Variants in PLD6 observed in about 807,000 individuals in gnomAD.
PLD6 encodes the protein phospholipase D family member 6, also known as mitochondrial cardiolipin hydrolase.
A neutral mutation model predicts 9.7 loss-of-function variants in PLD6; 10 were observed. The observed-to-expected ratio is 1.03, with a 90% CI of 0.64 to 1.75. The LOEUF is 1.75. PLD6 is among the 40% of genes most tolerant of loss of function. PLD6 has a pLI of 0.00. For missense variants in PLD6, 334 were observed against 347.6 expected (o/e 0.96, Z 0.31); for synonymous variants, 152 against 159.2 (o/e 0.96, Z 0.34).
Position 17,206,222 on chromosome 17 carries a change from GCCT to G in PLD6, c.62_64del (p.Glu21del). The G allele has an allele frequency of 6.5e-7, 1 of 1,541,604 alleles. No homozygotes were observed. The highest frequency in any genetic ancestry group is 8.7e-7 in the Non-Finnish European group (1 of 1,154,650). On this transcript the variant is annotated inframe_deletion, in exon 1 of 2. Transcript: ENST00000321560. ...CAGCCAGCGCAGCACCCAAGGCAGC[GCCT>G]CCAGAGTCAGAGCCAGGCCCACAGC...
Position 17,202,706 on chromosome 17 carries a change from C to A in PLD6, c.*61G>T, listed in dbSNP as rs946766054. On this transcript the variant is annotated 3_prime_UTR_variant, in exon 2 of 2. Transcript: ENST00000321560. ...TAGTTTAACGATTTTTTTCTAGTGC[C>A]GAGGTCTCCCTCCCTCAGAACGCAC... 3 of 1,464,866 alleles carry A rather than the reference C, an allele frequency of 2.0e-6. No individual in the cohort carries two copies. Among genetic ancestry groups the A allele is most frequent in the Non-Finnish European group, 2.8e-6 (3 of 1,076,932 alleles). 90.7% of individuals were successfully genotyped at this position (1,464,866 alleles called of 1,614,324 possible). A position where few individuals can be genotyped will look rare whatever the true frequency, so the allele number is the denominator to read the frequency against.
Position 17,202,560 on chromosome 17 carries a change from G to C in PLD6, c.*207C>G. On this transcript the variant is annotated 3_prime_UTR_variant, in exon 2 of 2. Coordinates refer to ENST00000321560, the MANE Select transcript of PLD6 (RefSeq NM_178836.4). The stretch of plus-strand genomic sequence containing the variant: ...AAGCACCCCGTGGCAGGTCGTGACT[G>C]AAGTTATTTTGGCAAAGGAGCAAGA... 1 of 598,216 alleles carries C rather than the reference G, an allele frequency of 1.7e-6. No homozygotes were observed. Among genetic ancestry groups the C allele is most frequent in the Non-Finnish European group, 2.9e-6 (1 of 341,850 alleles). The allele number at this position is 598,216 out of a possible 1,614,324, so 37.1% of individuals were successfully genotyped here.
intron 1 of PLD6, among the ~76,000 whole-genome samples, chr17:17,204,947 CG>C (rs1475145752): frequency 2.2e-4 from 34 of 152,286 alleles, no homozygotes; most frequent in Admixed American, 1.8e-3. Flanking sequence ...AACAGCGCGG[CG>C]GTGACCACTG....
In PLD6 at chr17:17,205,626, C is replaced by T. The variant is rs1217312556; in HGVS notation, c.427+234G>A. 5.9e-5 allele frequency among the ~76,000 whole-genome samples: 9 copies of T among 152,246 alleles called. 1 individual carries two copies. Among genetic ancestry groups the T allele is most frequent in the Admixed American group, 5.9e-4 (9 of 15,286 alleles). ...CCGGGACAGTTCACTGAGAGAACCG[C>T]CCCCACCGCGGAGGCACCGAGGGTC... On this transcript the variant is annotated intron_variant, in intron 1 of 1. Coordinates refer to ENST00000321560, the MANE Select transcript of PLD6 (RefSeq NM_178836.4).
chr17:17,205,885 C>A lies in PLD6; in HGVS notation c.402G>T (p.Ser134=). ...TDCDYMALNG[S]QIGLLRKAGI... ...CTGCCTTGCGCAGCAGACCGATTTG[C>A]GAGCCGTTGAGGGCCATGTAGTCGC... Residue 134 remains serine (S), a synonymous_variant, in exon 1 of 2, where the codon TCG becomes TCT. Transcript: ENST00000321560. 1.3e-6 allele frequency: 2 copies of A among 1,573,444 alleles called. No homozygotes were observed. Among genetic ancestry groups the A allele is most frequent in the East Asian group, 4.7e-5 (2 of 42,826 alleles).
intron 1 of PLD6, among the ~76,000 whole-genome samples, chr17:17,203,895 G>C (rs1216536890): frequency 6.6e-6 from 1 of 152,220 alleles, no homozygotes; most frequent in Non-Finnish European, 1.5e-5. Flanking sequence ...AGGGAAGTGT[G>C]TCCCATGGAG....
chr17:17,206,068 C>T lies in PLD6; in HGVS notation c.219G>A (p.Leu73=). The T allele has an allele frequency of 6.6e-7, 1 of 1,513,470 alleles. No homozygotes were observed. The highest frequency in any genetic ancestry group is 2.6e-5 in the East Asian group (1 of 38,620). 93.8% of individuals were successfully genotyped at this position (1,513,470 alleles called of 1,614,324 possible). ...AELPEGCPCG[L]PHGESALSRL... ...GGCTTAGCGCGCTCTCGCCGTGGGG[C>T]AGGCCGCACGGGCAGCCCTCGGGGA... Residue 73 remains leucine (L), a synonymous_variant, in exon 1 of 2, where the codon CTG becomes CTA. Coordinates refer to ENST00000321560, the MANE Select transcript of PLD6 (RefSeq NM_178836.4).
At position 17,202,980 on chromosome 17, in the gene PLD6, G is replaced by A; in HGVS notation, c.546C>T (p.Asn182=). 6.2e-7 allele frequency: 1 copy of A among 1,614,216 alleles called. No homozygotes were observed. Among genetic ancestry groups the A allele is most frequent in the Non-Finnish European group, 8.5e-7 (1 of 1,180,044 alleles). The stretch of plus-strand genomic sequence containing the variant: ...CCTCCGTGATGAGAACATTCTCCCT[G>A]TTGTTCTGGATGGCTTGCGTGGTCC... ...LNWTTQAIQN[N]RENVLITEDD... is the part of the protein sequence containing the mutation. The change falls in exon 2 of 2, where the codon AAC becomes AAT. Residue 182 remains asparagine, a synonymous_variant. Transcript: ENST00000321560.
chr17:17,206,320 C>A lies in PLD6; in HGVS notation c.-34G>T. 2 of 1,489,390 alleles carry A rather than the reference C, an allele frequency of 1.3e-6. No homozygotes were observed. The highest frequency in any genetic ancestry group is 8.8e-7 in the Non-Finnish European group (1 of 1,130,288). 92.3% of individuals were successfully genotyped at this position (1,489,390 alleles called of 1,614,324 possible). On this transcript the variant is annotated 5_prime_UTR_variant, in exon 1 of 2. Coordinates refer to ENST00000321560, the MANE Select transcript of PLD6 (RefSeq NM_178836.4). ...TAATCCGGGACCCACAGCCACGCCGCCGCAGCGGAGTCTGCGCGCCCCCAG... is the reference window on the plus strand; with the variant it reads ...TAATCCGGGACCCACAGCCACGCCGACGCAGCGGAGTCTGCGCGCCCCCAG...
intron 1 of PLD6, chr17:17,204,355 G>GGCCCACGCCACTTCC (rs1260323146): frequency 8.5e-5 from 13 of 152,812 alleles, no homozygotes; most frequent in Non-Finnish European, 1.5e-5. Context: ...CAGCTGACCT[G>GGCCCACGCCACTTCC]GCCCACGCCA....
chr17:17,204,922 T>C (rs529800586), intron 1 of PLD6, among the ~76,000 whole-genome samples: 45 of 152,272 alleles, frequency 3.0e-4, no homozygotes, highest in Non-Finnish European at 4.9e-4. Context: ...CAAGAGGCTA[T>C]GGCTGTGCAG....
At chr17:17,205,723 C>T (rs557014776) in intron 1 of PLD6, 137 bp downstream of exon 1, 2 of 1,060,268 alleles carry the variant, frequency 1.9e-6, no homozygotes, top group East Asian at 5.4e-5. Flanking sequence ...TACACCACCC[C>T]GACCCCACAA....
In PLD6 at chr17:17,201,400, C is replaced by T. The variant is rs14003; in HGVS notation, c.*1367G>A. ...ATGAAGTCACAACTTCAGATGTCAT[C>T]GGAGCTATCTGTATATGACACACAC... On this transcript the variant is annotated 3_prime_UTR_variant, in exon 2 of 2. Coordinates refer to ENST00000321560, the MANE Select transcript of PLD6 (RefSeq NM_178836.4). 0.62 allele frequency: 93,924 copies of T among 152,118 alleles called. 29,337 individuals are homozygous for T. Among genetic ancestry groups the T allele is most frequent in the East Asian group, 0.72 (3,705 of 5,156 alleles). 9.4% of individuals were successfully genotyped at this position (152,118 alleles called of 1,614,324 possible).
chr17:17,205,984 G>A lies in PLD6; in HGVS notation c.303C>T (p.Phe101=), dbSNP rs1427464461. Residue 101 remains phenylalanine, a synonymous_variant, in exon 1 of 2, where the codon TTC becomes TTT. Coordinates refer to ENST00000321560, the MANE Select transcript of PLD6 (RefSeq NM_178836.4). ...RASLDLCLFA[F]SSPQLGRAVQ... ...CGGCGCGGCCCAGCTGCGGGCTGGA[G>A]AAGGCGAACAGGCAGAGATCCAGGC... 9 of 1,553,742 alleles carry A rather than the reference G, an allele frequency of 5.8e-6. No individual in the cohort carries two copies. Among genetic ancestry groups the A allele is most frequent in the Non-Finnish European group, 6.9e-6 (8 of 1,151,290 alleles).
At chr17:17,204,128 C>T (rs1460595107) in intron 1 of PLD6, among the ~76,000 whole-genome samples, 1 of 152,236 alleles carries the variant, frequency 6.6e-6, no homozygotes, top group Admixed American at 6.5e-5. Flanking sequence ...CCATCGCCCA[C>T]ACCTCCTGCC....
chr17:17,201,148 C>T lies in PLD6; in HGVS notation c.*1619G>A, dbSNP rs2046671074. 6.6e-6 allele frequency: 1 copy of T among 152,240 alleles called. No individual in the cohort carries two copies. The highest frequency in any genetic ancestry group is 2.4e-5 in the African/African-American group (1 of 41,456). 9.4% of individuals were successfully genotyped at this position (152,240 alleles called of 1,614,324 possible). On this transcript the variant is annotated 3_prime_UTR_variant, in exon 2 of 2. Transcript: ENST00000321560. ...AAAACAATTTCTGGTGACTTCCAAT[C>T]TATATATTATACTTTACAGCTTCAA... is the stretch of plus-strand genomic sequence containing the variant.
intron 1 of PLD6, 121 bp downstream of exon 1, chr17:17,205,739 C>A: frequency 1.7e-6 from 2 of 1,185,812 alleles, no homozygotes; most frequent in South Asian, 1.5e-5. Context: ...CACAAGGCCA[C>A]GAGGAAAGTA....
chr17:17,203,055 G>A lies in PLD6; in HGVS notation c.471C>T (p.His157=), dbSNP rs2046688438. 1 of 1,614,116 alleles carries A rather than the reference G, an allele frequency of 6.2e-7. No individual in the cohort carries two copies. Among genetic ancestry groups the A allele is most frequent in the Non-Finnish European group, 8.5e-7 (1 of 1,180,050 alleles). Residue 157 remains histidine, a synonymous_variant, in exon 2 of 2, where the codon CAC becomes CAT. Coordinates refer to ENST00000321560, the MANE Select transcript of PLD6 (RefSeq NM_178836.4). ...CCCTCTTGTCCACGATGGCAAACTT[G>A]TGATGCATGTAGCCTGGGTCTTGAT... The part of the protein sequence containing the change: ...RHDQDPGYMH[H]KFAIVDKRVL...
intron 1 of PLD6, 84 bp downstream of exon 1, chr17:17,205,776 C>A (rs2046713547): frequency 6.9e-7 from 1 of 1,451,294 alleles, no homozygotes; most frequent in Non-Finnish European, 9.3e-7. Context: ...GTCCCCAGAC[C>A]CCCTCCCCTA....
Sources: allele counts gnomAD v4.1 joint callset (sites outside exome capture counted in the v4.1 genomes callset), GRCh38; gene constraint gnomAD v4.1.1; transcripts MANE v1.5; gene names NCBI Gene and HGNC (gene_info 2026-07-23, HGNC 2026-07-21).